The following UTP23 variants were observed in gnomAD, a reference collection of about 807,000 sequenced individuals.
The protein encoded by UTP23 is UTP23 small subunit processome component.
UTP23 carries 10 observed loss-of-function variants against 19.8 expected under a neutral mutation model. The observed-to-expected ratio is 0.50, with a 90% CI of 0.31 to 0.86. The LOEUF (loss-of-function observed/expected upper bound fraction) is 0.86, where lower values mean the gene tolerates loss of function less well. Ranked by LOEUF, UTP23 falls within the 40% of genes least tolerant of loss-of-function variation. UTP23 has a pLI of 0.05. For synonymous variants in UTP23, 108 were observed against 105.4 expected, an observed-to-expected ratio of 1.02 and a Z score of -0.15; for missense variants, 282 against 293.1, an observed-to-expected ratio of 0.96 and a Z score of 0.28.
intron 2 of UTP23, chr8:116,770,591 A>T (rs535960999): frequency 2.4e-6 from 1 of 415,464 alleles, no homozygotes; most frequent in Non-Finnish European, 4.2e-6. Context: ...TGTTTTTTTT[A>T]ATGATTCCTT....
chr8:116,769,242 T>A (rs1374614807), intron 1 of UTP23, among the ~76,000 whole-genome samples: 2 of 152,140 alleles, frequency 1.3e-5, no homozygotes, highest in African/African-American at 4.8e-5. Context: ...TGAATCTGTT[T>A]TGCGGTTGTT....
At position 116,771,837 on chromosome 8, in the gene UTP23, G is replaced by C; in HGVS notation, c.745G>C (p.Glu249Gln). ...VLSEKQNAEG[E>Q] ...TTCTGAGAAGCAGAATGCAGAAGGA[G>C]AATGAATCCTTTGGATACTTTCAAG... Residue 249 changes from glutamate to glutamine, a missense_variant, in exon 3 of 3, where the codon GAA becomes CAA. Transcript: ENST00000309822. 6.4e-7 allele frequency: 1 copy of C among 1,569,710 alleles called. No homozygotes were observed. Among genetic ancestry groups the C allele is most frequent in the Non-Finnish European group, 8.6e-7 (1 of 1,167,012 alleles).
Position 116,766,685 on chromosome 8 carries a change from A to G in UTP23, c.82A>G (p.Ile28Val). The G allele has an allele frequency of 6.2e-7, 1 of 1,613,782 alleles. No individual in the cohort carries two copies. The highest frequency in any genetic ancestry group is 8.5e-7 in the Non-Finnish European group (1 of 1,179,872). ...CTTCGGAGTCCGCGAGCCGTACCAGATCCTGCTGGACGGCACCTTCTGTCA... is the reference window on the plus strand; with the variant it reads ...CTTCGGAGTCCGCGAGCCGTACCAGGTCCTGCTGGACGGCACCTTCTGTCA... ...NNFGVREPYQ[I>V]LLDGTFCQAA... The change falls in exon 1 of 3, where the codon ATC (isoleucine) becomes GTC (valine). Residue 28 changes from isoleucine to valine, a missense_variant. Ile to Val is a conservative substitution (Grantham distance 29). Coordinates refer to ENST00000309822, the MANE Select transcript of UTP23 (RefSeq NM_032334.3).
Position 116,773,925 on chromosome 8 carries a change from GTTTT to G in UTP23, c.*2087_*2090del. On this transcript the variant is annotated 3_prime_UTR_variant, in exon 3 of 3. Coordinates refer to ENST00000309822, the MANE Select transcript of UTP23 (RefSeq NM_032334.3). The stretch of plus-strand genomic sequence containing the variant: ...AAAAGTCTCATATCCTTGTACTTCA[GTTTT>G]TTTGTGTGTGAATACTATCCCTATA... 1 of 984,478 alleles carries G rather than the reference GTTTT, an allele frequency of 1.0e-6. No homozygotes were observed. The highest frequency in any genetic ancestry group is 4.7e-5 in the South Asian group (1 of 21,266). 61.0% of individuals were successfully genotyped at this position (984,478 alleles called of 1,614,324 possible).
chr8:116,773,742 G>A lies in UTP23; in HGVS notation c.*1900G>A, dbSNP rs777214146. 7 of 353,230 alleles carry A rather than the reference G, an allele frequency of 2.0e-5. No homozygotes were observed. In the East Asian group the frequency reaches 5.0e-4, roughly 25 times the overall value. The allele number at this position is 353,230 out of a possible 1,614,324, so 21.9% of individuals were successfully genotyped here. On this transcript the variant is annotated 3_prime_UTR_variant, in exon 3 of 3. Transcript: ENST00000309822. The stretch of plus-strand genomic sequence containing the variant: ...GGAGAATCGCTTGAACCCAGGAGGC[G>A]GAGGTTGCAGTGAGCCAAGATCATG...
In UTP23 at chr8:116,773,933, G is replaced by C; in HGVS notation, c.*2091G>C. On this transcript the variant is annotated 3_prime_UTR_variant, in exon 3 of 3. Transcript: ENST00000309822. ...CATATCCTTGTACTTCAGTTTTTTT[G>C]TGTGTGAATACTATCCCTATACCAC... The C allele has an allele frequency of 1.0e-6, 1 of 984,800 alleles. No homozygotes were observed. The highest frequency in any genetic ancestry group is 1.2e-6 in the Non-Finnish European group (1 of 829,544). 61.0% of individuals were successfully genotyped at this position (984,800 alleles called of 1,614,324 possible).
At position 116,772,395 on chromosome 8, in the gene UTP23, A is replaced by G; in HGVS notation, c.*553A>G. On this transcript the variant is annotated 3_prime_UTR_variant, in exon 3 of 3. Transcript: ENST00000309822. ...GCAGTCCCTCTTTCACATTGACAGA[A>G]GAAACTTCCTCTTTCAATTCTAGTA... 1 of 966,288 alleles carries G rather than the reference A, an allele frequency of 1.0e-6. No individual in the cohort carries two copies. Among genetic ancestry groups the G allele is most frequent in the Non-Finnish European group, 1.2e-6 (1 of 812,584 alleles). 59.9% of individuals were successfully genotyped at this position (966,288 alleles called of 1,614,324 possible).
chr8:116,773,319 G>C lies in UTP23; in HGVS notation c.*1477G>C. 3.0e-6 allele frequency: 3 copies of C among 984,434 alleles called. No individual in the cohort carries two copies. Among genetic ancestry groups the C allele is most frequent in the Non-Finnish European group, 1.2e-6 (1 of 829,122 alleles). The allele number at this position is 984,434 out of a possible 1,614,324, so 61.0% of individuals were successfully genotyped here. A position where few individuals can be genotyped will look rare whatever the true frequency, so the allele number is the denominator to read the frequency against. ...CCACCTAATAAAGTGTAGACAAAGT[G>C]ATAAATGAAATATACACTGATGATA... is the stretch of plus-strand genomic sequence containing the variant. On this transcript the variant is annotated 3_prime_UTR_variant, in exon 3 of 3. Transcript: ENST00000309822.
chr8:116,771,088 A>G (rs1815644996), intron 2 of UTP23, among the ~76,000 whole-genome samples: 2 of 152,228 alleles, frequency 1.3e-5, no homozygotes, highest in African/African-American at 2.4e-5. Flanking sequence ...GAATCTGAGT[A>G]GCTAATTACT....
At chr8:116,767,199 G>T (rs541794128) in intron 1 of UTP23, among the ~76,000 whole-genome samples, 1 of 152,136 alleles carries the variant, frequency 6.6e-6, no homozygotes, top group South Asian at 2.1e-4. Context: ...GCATTTTTCG[G>T]TATCCAAAGT....
At chr8:116,771,327 A>G in intron 2 of UTP23, 129 bp from the exon 3 acceptor site, 2 of 733,646 alleles carry the variant, frequency 2.7e-6, no homozygotes, top group East Asian at 3.2e-5. Context: ...ACTCAAATGA[A>G]TAAGTGAGGC....
Position 116,772,902 on chromosome 8 carries a change from T to G in UTP23, c.*1060T>G. 6 of 985,434 alleles carry G rather than the reference T, an allele frequency of 6.1e-6. No homozygotes were observed. The highest frequency in any genetic ancestry group is 6.0e-6 in the Non-Finnish European group (5 of 829,928). The allele number at this position is 985,434 out of a possible 1,614,324, so 61.0% of individuals were successfully genotyped here. The stretch of plus-strand genomic sequence containing the variant: ...TGGAAGTATAAAATTATTGGACAAG[T>G]GAAATCGTATCAGTAGTTCCTGACT... On this transcript the variant is annotated 3_prime_UTR_variant, in exon 3 of 3. Coordinates refer to ENST00000309822, the MANE Select transcript of UTP23 (RefSeq NM_032334.3).
At chr8:116,771,388 T>A (rs1376228468) in intron 2 of UTP23, 68 bp from the exon 3 acceptor site, 1 of 1,276,838 alleles carries the variant, frequency 7.8e-7, no homozygotes, top group Non-Finnish European at 1.0e-6. Context: ...TTAATACAGT[T>A]CTTGAAAACC....
chr8:116,773,076 C>A lies in UTP23; in HGVS notation c.*1234C>A. On this transcript the variant is annotated 3_prime_UTR_variant, in exon 3 of 3. Coordinates refer to ENST00000309822, the MANE Select transcript of UTP23 (RefSeq NM_032334.3). ...TCATTCTCATTTGAATTCAGAGATACTTCTTTGCTGGAAGTTGGAATTATA... is the reference window on the plus strand; with the variant it reads ...TCATTCTCATTTGAATTCAGAGATAATTCTTTGCTGGAAGTTGGAATTATA... 1 of 985,318 alleles carries A rather than the reference C, an allele frequency of 1.0e-6. No homozygotes were observed. The highest frequency in any genetic ancestry group is 5.2e-4 in the Middle Eastern group (1 of 1,914). The allele number at this position is 985,318 out of a possible 1,614,324, so 61.0% of individuals were successfully genotyped here.
intron 2 of UTP23, among the ~76,000 whole-genome samples, chr8:116,771,084 G>C (rs1159835872): frequency 6.6e-6 from 1 of 152,180 alleles, no homozygotes; most frequent in African/African-American, 2.4e-5. Flanking sequence ...TTTAGAATCT[G>C]AGTAGCTAAT....
chr8:116,771,942 C>T lies in UTP23; in HGVS notation c.*100C>T, dbSNP rs1815662563. 3 of 1,458,996 alleles carry T rather than the reference C, an allele frequency of 2.1e-6. No homozygotes were observed. Among genetic ancestry groups the T allele is most frequent in the African/African-American group, 2.9e-5 (2 of 69,644 alleles). 90.4% of individuals were successfully genotyped at this position (1,458,996 alleles called of 1,614,324 possible). On this transcript the variant is annotated 3_prime_UTR_variant, in exon 3 of 3. Coordinates refer to ENST00000309822, the MANE Select transcript of UTP23 (RefSeq NM_032334.3). ...ACCAAACTTATTTTTGTAAATGAAC[C>T]CATATGCTTTAGCTAAAATTAATTA...
Position 116,771,823 on chromosome 8 carries a change from A to G in UTP23, c.731A>G (p.Gln244Arg). The G allele has an allele frequency of 6.3e-7, 1 of 1,579,958 alleles. No homozygotes were observed. The highest frequency in any genetic ancestry group is 2.2e-5 in the East Asian group (1 of 44,716). The change falls in exon 3 of 3, where the codon CAG becomes CGG. Residue 244 changes from glutamine to arginine, a missense_variant. Coordinates refer to ENST00000309822, the MANE Select transcript of UTP23 (RefSeq NM_032334.3). Reference sequence around the variant, plus strand: ...AACCCAAAAGTACTTTCTGAGAAGCAGAATGCAGAAGGAGAATGAATCCTT... The same window carrying G: ...AACCCAAAAGTACTTTCTGAGAAGCGGAATGCAGAAGGAGAATGAATCCTT... ...RSNPKVLSEK[Q>R]NAEGE
chr8:116,767,056 T>C, intron 1 of UTP23: 1 of 404,388 alleles, frequency 2.5e-6, no homozygotes, highest in Non-Finnish European at 4.4e-6. Flanking sequence ...CGAATCTTGA[T>C]CCCAGTTCTA....
intron 1 of UTP23, among the ~76,000 whole-genome samples, chr8:116,768,182 C>T (rs910169884): frequency 5.3e-5 from 8 of 152,130 alleles, no homozygotes; most frequent in African/African-American, 1.4e-4. Context: ...AGCAGGGTCT[C>T]GGCTGGGTTA....
Sources: allele counts gnomAD v4.1 joint callset (sites outside exome capture counted in the v4.1 genomes callset), GRCh38; gene constraint gnomAD v4.1.1; transcripts MANE v1.5; gene names NCBI Gene and HGNC (gene_info 2026-07-23, HGNC 2026-07-21).